The following ATG4C variants were observed in gnomAD, a reference collection of about 807,000 sequenced individuals.
The protein encoded by ATG4C is cysteine protease ATG4C.
Under a neutral mutation model 57.6 loss-of-function variants are expected in ATG4C, and 56 were observed. That is an observed-to-expected ratio of 0.97 (90% CI 0.78 to 1.21). The LOEUF is 1.21. ATG4C is among the 50% of genes most tolerant of loss of function. The pLI, the probability that ATG4C is intolerant of heterozygous loss-of-function variation, is 0.00. For synonymous variants in ATG4C, 157 were observed against 174.1 expected (o/e 0.90, Z 0.78); for missense variants, 595 against 529.8 (o/e 1.12, Z -1.21).
chr1:62,850,278 C>T (rs1666464121), intron 10 of ATG4C, among the ~76,000 whole-genome samples: 2 of 152,218 alleles, frequency 1.3e-5, no homozygotes, highest in South Asian at 4.1e-4. Flanking sequence ...TTTCTCACCA[C>T]TCTCATTATT....
intron 10 of ATG4C, among the ~76,000 whole-genome samples, chr1:62,854,485 G>A (rs983924208): frequency 6.6e-6 from 1 of 151,856 alleles, no homozygotes; most frequent in African/African-American, 2.4e-5. Flanking sequence ...CACCGTGTTA[G>A]CCAGGATGGT....
chr1:62,816,476 G>A (rs1323669966), intron 3 of ATG4C, 99 bp from the exon 4 acceptor site: 9 of 774,276 alleles, frequency 1.2e-5, no homozygotes, highest in Non-Finnish European at 1.7e-5. Context: ...GGATTGGAAA[G>A]ATTGTGACAT....
intron 7 of ATG4C, among the ~76,000 whole-genome samples, chr1:62,833,067 T>A (rs1211715409): frequency 1.3e-5 from 2 of 152,168 alleles, no homozygotes; most frequent in Non-Finnish European, 2.9e-5. Context: ...CACTTTTTTC[T>A]GTATTTCCTG....
chr1:62,853,635 A>G lies in ATG4C; in HGVS notation c.1210-10357A>G, dbSNP rs538699469. Among the ~76,000 whole-genome samples, 34 of 152,208 alleles carry G rather than the reference A, an allele frequency of 2.2e-4. No homozygotes were observed. In the South Asian group the frequency reaches 7.0e-3, roughly 32 times the overall value. On this transcript the variant is annotated intron_variant, in intron 10 of 10. Transcript: ENST00000317868. ...TAATTTTTACATTTTTTGTAGAGAC[A>G]GGGTTTCACTATGTTGCCCTGGCTG...
chr1:62,850,624 G>A (rs928430437), intron 10 of ATG4C, among the ~76,000 whole-genome samples: 9 of 151,584 alleles, frequency 5.9e-5, no homozygotes, highest in Admixed American at 4.0e-4. Flanking sequence ...CCTGTTTCAC[G>A]GGTTTCGTTT....
intron 10 of ATG4C, among the ~76,000 whole-genome samples, chr1:62,853,934 C>T (rs559050980): frequency 6.6e-6 from 1 of 152,146 alleles, no homozygotes; most frequent in Admixed American, 6.5e-5. Context: ...TTCTGAATTG[C>T]TCCCTAGTTT....
At chr1:62,830,856 A>G (rs569003075) in intron 7 of ATG4C, among the ~76,000 whole-genome samples, 1 of 152,284 alleles carries the variant, frequency 6.6e-6, no homozygotes, top group Non-Finnish European at 1.5e-5. Context: ...TACTCAATAC[A>G]TATTTGTTAA....
intron 1 of ATG4C, among the ~76,000 whole-genome samples, chr1:62,790,021 TC>T (rs1358613077): frequency 3.3e-5 from 5 of 151,626 alleles, no homozygotes; most frequent in Non-Finnish European, 5.9e-5. Context: ...TTCAAGCGAT[TC>T]TCCTGCCTCA....
chr1:62,857,284 G>A (rs1191082628), intron 10 of ATG4C, among the ~76,000 whole-genome samples: 1 of 152,106 alleles, frequency 6.6e-6, no homozygotes, highest in Non-Finnish European at 1.5e-5. Context: ...TCAGATCAGC[G>A]GTGGCATTAG....
At chr1:62,832,985 CAG>C (rs1218920496) in intron 7 of ATG4C, among the ~76,000 whole-genome samples, 1 of 152,020 alleles carries the variant, frequency 6.6e-6, no homozygotes, top group Non-Finnish European at 1.5e-5. Context: ...GTAATGTAGA[CAG>C]ATGTTAAGAA....
At chr1:62,830,252 A>G (rs925945991) in intron 7 of ATG4C, among the ~76,000 whole-genome samples, 1 of 152,122 alleles carries the variant, frequency 6.6e-6, no homozygotes, top group South Asian at 2.1e-4. Flanking sequence ...GATGTCTGAC[A>G]TGTATCTTTA....
chr1:62,814,555 G>A (rs1557969880), intron 3 of ATG4C, among the ~76,000 whole-genome samples: 1 of 152,062 alleles, frequency 6.6e-6, no homozygotes, highest in Non-Finnish European at 1.5e-5. Context: ...TAACAAACCT[G>A]CATGTTTTGC....
chr1:62,820,735 T>C (rs1665455311), intron 5 of ATG4C, among the ~76,000 whole-genome samples: 1 of 152,072 alleles, frequency 6.6e-6, no homozygotes, highest in African/African-American at 2.4e-5. Context: ...ACGAACAGTT[T>C]CTTAAGTGTA....
At chr1:62,840,974 T>A (rs994372668) in intron 9 of ATG4C, among the ~76,000 whole-genome samples, 3 of 152,230 alleles carry the variant, frequency 2.0e-5, no homozygotes, top group African/African-American at 7.2e-5. Flanking sequence ...ATATAGAACA[T>A]TTACCTGAGT....
chr1:62,843,954 C>T (rs972916036), intron 10 of ATG4C, among the ~76,000 whole-genome samples: 1 of 152,092 alleles, frequency 6.6e-6, no homozygotes, highest in Non-Finnish European at 1.5e-5. Context: ...AGTCAAAGTA[C>T]TTTATTGTGA....
intron 9 of ATG4C, among the ~76,000 whole-genome samples, chr1:62,835,184 T>TA (rs59745958): frequency 0.2 from 27,122 of 135,422 alleles, 2,729 homozygotes; most frequent in African/African-American, 0.27. Context: ...AAGGCCTGTT[T>TA]AAAAAAAAAA....
intron 9 of ATG4C, among the ~76,000 whole-genome samples, chr1:62,840,431 C>A (rs561898576): frequency 2.6e-5 from 4 of 152,260 alleles, no homozygotes; most frequent in East Asian, 1.9e-4. Flanking sequence ...TTTTGTATAT[C>A]CTTAGTTTAT....
At chr1:62,806,023 G>A (rs1664869022) in intron 3 of ATG4C, among the ~76,000 whole-genome samples, 1 of 152,056 alleles carries the variant, frequency 6.6e-6, no homozygotes, top group South Asian at 2.1e-4. Context: ...ACCTATTTTG[G>A]TATATCATTT....
chr1:62,785,690 T>A (rs1164013228), intron 1 of ATG4C, among the ~76,000 whole-genome samples: 2 of 152,198 alleles, frequency 1.3e-5, no homozygotes, highest in African/African-American at 4.8e-5. Flanking sequence ...GAGGTTCTTA[T>A]ACTAAGATTA....
Sources: gnomAD v4.1 joint callset for allele counts (sites outside exome capture counted in the v4.1 genomes callset) on GRCh38, gnomAD v4.1.1 for gene constraint, MANE v1.5 for transcripts, NCBI Gene and HGNC (gene_info 2026-07-23, HGNC 2026-07-21) for gene names.